SPOCK1: variants seen among roughly 807,000 people sequenced by gnomAD.
SPOCK1 encodes SPARC (osteonectin), cwcv and kazal like domains proteoglycan 1.
In SPOCK1, 23 loss-of-function variants were observed where a neutral mutation model predicts 55.3. The observed-to-expected ratio is 0.42, with a 90% confidence interval of 0.30 to 0.59. SPOCK1 has a LOEUF of 0.59. Among genes scored for constraint, SPOCK1 ranks in the 20% least tolerant of loss-of-function variants. The pLI is 0.22. For synonymous variants in SPOCK1, 226 were observed against 221.0 expected (o/e 1.02, Z -0.20); for missense variants, 499 against 552.5 (o/e 0.90, Z 0.97).
rs369865858 is a variant in SPOCK1 at position 137,075,772 on chromosome 5, C to T, written c.475-7943G>A. Among the ~76,000 whole-genome samples the T allele has an allele frequency of 1.4e-3, 209 of 152,276 alleles. 2 individuals carry two copies. Among genetic ancestry groups the T allele is most frequent in the African/African-American group, 4.7e-3 (195 of 41,550 alleles). On this transcript the variant is annotated intron_variant, in intron 5 of 10. Transcript: ENST00000394945. The stretch of plus-strand genomic sequence containing the variant: ...GAGAGGAGTGCAGCCCTGACCTGCA[C>T]GTGCAGGCCCACCCCCAGCAGGCTC...
chr5:137,150,908 C>T (rs765261224), intron 3 of SPOCK1, among the ~76,000 whole-genome samples: 7 of 152,136 alleles, frequency 4.6e-5, no homozygotes, highest in Non-Finnish European at 8.8e-5. Flanking sequence ...CAGTGGAGCA[C>T]TCTGGTGAGG....
At chr5:137,263,693 A>G (rs1418816087) in intron 3 of SPOCK1, among the ~76,000 whole-genome samples, 1 of 152,168 alleles carries the variant, frequency 6.6e-6, no homozygotes, top group Non-Finnish European at 1.5e-5. Context: ...ACTCCTGTCC[A>G]TCCTTTCTGT....
At chr5:137,021,186 A>T (rs1194548471) in intron 6 of SPOCK1, among the ~76,000 whole-genome samples, 1 of 152,158 alleles carries the variant, frequency 6.6e-6, no homozygotes, top group Non-Finnish European at 1.5e-5. Context: ...TACAATGTTG[A>T]ATGCTACATA....
At chr5:137,068,058 T>C (rs1377674451) in intron 5 of SPOCK1, among the ~76,000 whole-genome samples, 2 of 152,182 alleles carry the variant, frequency 1.3e-5, no homozygotes, top group Non-Finnish European at 2.9e-5. Flanking sequence ...CCTAGAAGAC[T>C]TCCTTTAATG....
At chr5:137,361,980 C>G (rs1750956512) in intron 2 of SPOCK1, among the ~76,000 whole-genome samples, 1 of 152,128 alleles carries the variant, frequency 6.6e-6, no homozygotes, top group African/African-American at 2.4e-5. Context: ...TCCTCTCAGC[C>G]CCAGCCACTC....
At chr5:137,349,847 C>T (rs545977168) in intron 2 of SPOCK1, among the ~76,000 whole-genome samples, 1 of 152,150 alleles carries the variant, frequency 6.6e-6, no homozygotes, top group Non-Finnish European at 1.5e-5. Flanking sequence ...TAAGGGCCCA[C>T]CCTAATGACC....
chr5:137,447,043 C>A (rs1753144224), intron 2 of SPOCK1, among the ~76,000 whole-genome samples: 1 of 152,128 alleles, frequency 6.6e-6, no homozygotes, highest in African/African-American at 2.4e-5. Flanking sequence ...TTTTCTTTAC[C>A]CATTAATCCA....
intron 2 of SPOCK1, among the ~76,000 whole-genome samples, chr5:137,485,466 A>C (rs1035308555): frequency 1.3e-5 from 2 of 152,364 alleles, no homozygotes; most frequent in East Asian, 3.9e-4. Context: ...TATGAATGAA[A>C]GAGTAATTGG....
intron 6 of SPOCK1, 78 bp from the exon 7 acceptor site, chr5:136,992,678 C>A (rs3777224): frequency 7.2e-6 from 8 of 1,103,574 alleles, no homozygotes; most frequent in Non-Finnish European, 1.1e-5. Context: ...GGCAAAGCCA[C>A]GTTCAAAGCA....
At chr5:137,450,635 C>T (rs1283401535) in intron 2 of SPOCK1, among the ~76,000 whole-genome samples, 1 of 152,162 alleles carries the variant, frequency 6.6e-6, no homozygotes, top group African/African-American at 2.4e-5. Context: ...TCTCCAGGCC[C>T]TGAAAATTAT....
intron 2 of SPOCK1, among the ~76,000 whole-genome samples, chr5:137,278,638 C>T (rs1017399982): frequency 2.6e-5 from 4 of 152,138 alleles, no homozygotes; most frequent in African/African-American, 9.7e-5. Context: ...CTGCCTGTTA[C>T]CCAACAGGCA....
chr5:137,431,794 C>A (rs1752750535), intron 2 of SPOCK1, among the ~76,000 whole-genome samples: 1 of 152,196 alleles, frequency 6.6e-6, no homozygotes, highest in Non-Finnish European at 1.5e-5. Flanking sequence ...TAAAAGCTCT[C>A]ACCAGAAACC....
chr5:137,334,877 T>C (rs1303930984), intron 2 of SPOCK1, among the ~76,000 whole-genome samples: 3 of 135,722 alleles, frequency 2.2e-5, no homozygotes, highest in Non-Finnish European at 4.6e-5. Context: ...GATGGTATGA[T>C]ATTTGCACTT....
chr5:137,220,330 G>T (rs898285731), intron 3 of SPOCK1, among the ~76,000 whole-genome samples: 2 of 152,098 alleles, frequency 1.3e-5, no homozygotes, highest in African/African-American at 4.8e-5. Context: ...CCTTTCACTT[G>T]AGTCGCCCTG....
At chr5:137,234,560 TA>T (rs1756138509) in intron 3 of SPOCK1, among the ~76,000 whole-genome samples, 1 of 152,222 alleles carries the variant, frequency 6.6e-6, no homozygotes, top group Admixed American at 6.5e-5. Flanking sequence ...GTCCAGGCCA[TA>T]AATCATATCA....
intron 2 of SPOCK1, among the ~76,000 whole-genome samples, chr5:137,419,158 A>G (rs1384440097): frequency 6.6e-6 from 1 of 152,144 alleles, no homozygotes; most frequent in Non-Finnish European, 1.5e-5. Context: ...CCATTGGTCT[A>G]TATCTCTGTT....
intron 6 of SPOCK1, among the ~76,000 whole-genome samples, chr5:137,039,508 C>T (rs1486555838): frequency 1.3e-5 from 2 of 152,126 alleles, no homozygotes; most frequent in African/African-American, 4.8e-5. Context: ...GCAGAAGACT[C>T]AAGTTGGAAG....
At chr5:137,250,979 C>T (rs565864724) in intron 3 of SPOCK1, among the ~76,000 whole-genome samples, 39 of 152,312 alleles carry the variant, frequency 2.6e-4, no homozygotes, top group African/African-American at 7.9e-4. Flanking sequence ...CACCAGAAAG[C>T]GGAGTCTCAG....
chr5:136,979,606 G>C, intron 9 of SPOCK1, 137 bp from the exon 10 acceptor site: 1 of 1,143,930 alleles, frequency 8.7e-7, no homozygotes, highest in Non-Finnish European at 1.2e-6. Flanking sequence ...GGGATGGTTG[G>C]CTATTAGTCA....
Sources: gnomAD v4.1 joint callset for allele counts (sites outside exome capture counted in the v4.1 genomes callset) on GRCh38, gnomAD v4.1.1 for gene constraint, MANE v1.5 for transcripts, NCBI Gene and HGNC (gene_info 2026-07-23, HGNC 2026-07-21) for gene names.